The following SMYD3 variants were observed in gnomAD, a reference collection of about 807,000 sequenced individuals.
SMYD3 encodes the protein SET and MYND domain containing 3, also known as histone-lysine N-methyltransferase SMYD3.
Under a neutral mutation model 57.7 loss-of-function variants are expected in SMYD3, and 36 were observed. The observed-to-expected ratio is 0.62, with a 90% CI of 0.48 to 0.82. The LOEUF (loss-of-function observed/expected upper bound fraction) is 0.82. Ranked by LOEUF, SMYD3 falls within the 40% of genes least tolerant of loss-of-function variation. The pLI is 0.00. For synonymous variants in SMYD3, 211 were observed against 195.0 expected, an observed-to-expected ratio of 1.08 and a Z score of -0.68; for missense variants, 515 against 538.8, an observed-to-expected ratio of 0.96 and a Z score of 0.44.
chr1:246,201,823 G>T (rs907105608), intron 5 of SMYD3, among the ~76,000 whole-genome samples: 1 of 152,084 alleles, frequency 6.6e-6, no homozygotes, highest in Non-Finnish European at 1.5e-5. Flanking sequence ...GACCAGCCTG[G>T]GCAACTTGGA....
intron 5 of SMYD3, among the ~76,000 whole-genome samples, chr1:246,307,413 CTTTTTTTT>C (rs869254416): frequency 7.3e-5 from 7 of 96,068 alleles, no homozygotes; most frequent in African/African-American, 2.8e-4. Context: ...TTAGGGGATT[CTTTTTTTT>C]TTTTTTTTTT....
chr1:245,902,843 C>T (rs1047573724), intron 8 of SMYD3, among the ~76,000 whole-genome samples: 3 of 152,200 alleles, frequency 2.0e-5, no homozygotes, highest in African/African-American at 7.2e-5. Context: ...AATATATCTA[C>T]ATGAAAAAGT....
At chr1:246,286,389 C>A (rs530158822) in intron 5 of SMYD3, among the ~76,000 whole-genome samples, 1 of 152,006 alleles carries the variant, frequency 6.6e-6, no homozygotes, top group Non-Finnish European at 1.5e-5. Context: ...CCCATCAATG[C>A]CTCTTAAAAA....
chr1:245,869,607 C>T (rs1383093991), intron 8 of SMYD3, among the ~76,000 whole-genome samples: 1 of 152,192 alleles, frequency 6.6e-6, no homozygotes, highest in Non-Finnish European at 1.5e-5. Context: ...TGCCGTTGTT[C>T]TCAGGTAAGA....
intron 5 of SMYD3, among the ~76,000 whole-genome samples, chr1:246,162,398 A>T (rs1340300904): frequency 6.6e-6 from 1 of 152,198 alleles, no homozygotes; most frequent in African/African-American, 2.4e-5. Context: ...ATATAAATAA[A>T]TATTTCTGAA....
At chr1:246,208,576 C>T (rs1454994472) in intron 5 of SMYD3, among the ~76,000 whole-genome samples, 3 of 152,222 alleles carry the variant, frequency 2.0e-5, no homozygotes, top group South Asian at 2.1e-4. Flanking sequence ...GATGCAAACA[C>T]GCAGCTCCTA....
At chr1:245,950,917 G>C (rs968029752) in intron 5 of SMYD3, among the ~76,000 whole-genome samples, 2 of 152,160 alleles carry the variant, frequency 1.3e-5, no homozygotes, top group South Asian at 2.1e-4. Context: ...CAGATAATTT[G>C]GGTAGGGAAA....
rs113160663 is a variant in SMYD3 at position 245,803,903 on chromosome 1, G to A, written c.1077-39754C>T. Among the ~76,000 whole-genome samples the A allele has an allele frequency of 6.2e-5, 9 of 145,102 alleles. No individual in the cohort carries two copies. In the South Asian group the frequency reaches 9.0e-4, roughly 15 times the overall value. ...AGATATCCCTGGACTTTCCAGTTACGTAAGTCAGTATTTTTTTTTTTTTTT... is the reference window on the plus strand; with the variant it reads ...AGATATCCCTGGACTTTCCAGTTACATAAGTCAGTATTTTTTTTTTTTTTT... On this transcript the variant is annotated intron_variant, in intron 10 of 11. Coordinates refer to ENST00000490107, the MANE Select transcript of SMYD3 (RefSeq NM_001167740.2).
intron 5 of SMYD3, among the ~76,000 whole-genome samples, chr1:245,977,388 G>A (rs1039975707): frequency 1.1e-4 from 17 of 152,206 alleles, no homozygotes; most frequent in East Asian, 3.9e-4. Flanking sequence ...TCACAAAACC[G>A]AAAGGAGGGG....
chr1:245,922,785 T>A (rs879424977), intron 7 of SMYD3, among the ~76,000 whole-genome samples: 1 of 152,174 alleles, frequency 6.6e-6, no homozygotes, highest in Admixed American at 6.5e-5. Flanking sequence ...CCCTCCACAC[T>A]GCGTAGTAGT....
chr1:246,009,186 T>C (rs1231029846), intron 5 of SMYD3, among the ~76,000 whole-genome samples: 1 of 152,188 alleles, frequency 6.6e-6, no homozygotes, highest in East Asian at 1.9e-4. Context: ...TACTTTAATA[T>C]AGCATCCTTC....
At chr1:246,463,348 CAGGGAG>C (rs1242786701) in intron 1 of SMYD3, among the ~76,000 whole-genome samples, 2 of 152,012 alleles carry the variant, frequency 1.3e-5, no homozygotes, top group Non-Finnish European at 2.9e-5. Flanking sequence ...GCTAACAGGT[CAGGGAG>C]AGGGAGAGAG....
intron 5 of SMYD3, among the ~76,000 whole-genome samples, chr1:246,208,102 T>G (rs560247531): frequency 6.6e-6 from 1 of 152,274 alleles, no homozygotes; most frequent in East Asian, 1.9e-4. Context: ...AATTTGTGTC[T>G]ATATGATGTA....
At chr1:245,961,206 C>T (rs1028321261) in intron 5 of SMYD3, among the ~76,000 whole-genome samples, 17 of 152,148 alleles carry the variant, frequency 1.1e-4, no homozygotes, top group African/African-American at 4.8e-5. Context: ...TCAGCAGAGC[C>T]GCACATGCTC....
intron 5 of SMYD3, among the ~76,000 whole-genome samples, chr1:246,159,744 G>A (rs140367817): frequency 5.6e-4 from 85 of 152,216 alleles, no homozygotes; most frequent in African/African-American, 1.8e-3. Flanking sequence ...GGAACACGAC[G>A]GAAGCACAGC....
intron 5 of SMYD3, among the ~76,000 whole-genome samples, chr1:246,184,458 G>A (rs868541571): frequency 6.6e-6 from 1 of 152,184 alleles, no homozygotes; most frequent in East Asian, 1.9e-4. Flanking sequence ...CTCCTCTGGG[G>A]AGACTACTTC....
intron 1 of SMYD3, among the ~76,000 whole-genome samples, chr1:246,461,562 T>C (rs1006934388): frequency 6.6e-6 from 1 of 151,846 alleles, no homozygotes; most frequent in Admixed American, 6.6e-5. Flanking sequence ...TATCTATTTG[T>C]TTTGCTAGAG....
At chr1:246,317,405 G>T (rs2065180226) in intron 5 of SMYD3, among the ~76,000 whole-genome samples, 1 of 152,258 alleles carries the variant, frequency 6.6e-6, no homozygotes, top group South Asian at 2.1e-4. Context: ...TCAGGGGTTG[G>T]CAAATAAAGG....
chr1:246,340,321 AGTC>A lies in SMYD3; in HGVS notation c.229-4850_229-4848del, dbSNP rs759380212. The stretch of plus-strand genomic sequence containing the variant: ...GTTTAAAGGTAATAAACCATGAAAC[AGTC>A]TAAAATACATATATAGACACAGTGT... On this transcript the variant is annotated intron_variant, in intron 2 of 11. Transcript: ENST00000490107. 6.6e-3 allele frequency among the ~76,000 whole-genome samples: 1,000 copies of A among 152,186 alleles called. 6 individuals are homozygous for A. Among genetic ancestry groups the A allele is most frequent in the Non-Finnish European group, 0.01 (713 of 67,972 alleles).
Sources: allele counts gnomAD v4.1 joint callset (sites outside exome capture counted in the v4.1 genomes callset), GRCh38; gene constraint gnomAD v4.1.1; transcripts MANE v1.5; gene names NCBI Gene and HGNC (gene_info 2026-07-23, HGNC 2026-07-21).